Variants in SGK1 observed in about 807,000 individuals in gnomAD.
SGK1 encodes serine/threonine-protein kinase Sgk1.
SGK1 carries 26 observed loss-of-function variants against 64.2 expected under a neutral mutation model. The ratio of observed to expected loss-of-function variants is 0.40; its 90% CI spans 0.30 to 0.56. The LOEUF (loss-of-function observed/expected upper bound fraction) is 0.56, where lower values mean the gene tolerates loss of function less well. Among genes scored for constraint, SGK1 ranks in the 20% least tolerant of loss-of-function variants. The pLI is 0.38. For missense variants in SGK1, 519 were observed against 645.6 expected, an observed-to-expected ratio of 0.80 and a Z score of 2.12; for synonymous variants, 265 against 239.7, an observed-to-expected ratio of 1.11 and a Z score of -0.98.
At chr6:134,229,358 A>G (rs1035289990) in intron 2 of SGK1, among the ~76,000 whole-genome samples, 1 of 152,252 alleles carries the variant, frequency 6.6e-6, no homozygotes, top group Non-Finnish European at 1.5e-5. Flanking sequence ...TTAAGAAATT[A>G]AAAAAGAATA....
At chr6:134,201,051 C>T (rs1438912463) in intron 3 of SGK1, among the ~76,000 whole-genome samples, 1 of 147,146 alleles carries the variant, frequency 6.8e-6, no homozygotes, top group East Asian at 2.0e-4. Flanking sequence ...TGTATTATTT[C>T]TTTTTCTTTT....
intron 3 of SGK1, among the ~76,000 whole-genome samples, chr6:134,191,576 G>T (rs1233026730): frequency 1.3e-5 from 2 of 152,104 alleles, no homozygotes; most frequent in East Asian, 3.8e-4. Context: ...AAGTTCCACA[G>T]TTAAGTCCAC....
At chr6:134,293,311 T>C (rs1777294755) in intron 1 of SGK1, among the ~76,000 whole-genome samples, 1 of 152,240 alleles carries the variant, frequency 6.6e-6, no homozygotes, top group Non-Finnish European at 1.5e-5. Flanking sequence ...TGCTGGTCAA[T>C]GTCCCCAAAT....
At chr6:134,171,584 G>A in intron 11 of SGK1, 53 bp downstream of exon 11, 2 of 1,290,798 alleles carry the variant, frequency 1.5e-6, no homozygotes, top group East Asian at 2.3e-5. Flanking sequence ...GCTGTGTGAA[G>A]GCAATATTGT....
intron 3 of SGK1, among the ~76,000 whole-genome samples, chr6:134,205,355 A>T (rs1301312340): frequency 6.6e-6 from 1 of 152,160 alleles, no homozygotes; most frequent in Non-Finnish European, 1.5e-5. Context: ...TTCAAAAGAT[A>T]TAATAAAACA....
chr6:134,272,228 G>A (rs1310749005), intron 1 of SGK1, among the ~76,000 whole-genome samples: 7 of 140,572 alleles, frequency 5.0e-5, no homozygotes, highest in African/African-American at 7.7e-5. Flanking sequence ...GCAACCTCCC[G>A]TTCCTGGGTT....
At chr6:134,297,233 G>A in intron 1 of SGK1, 4 of 1,073,240 alleles carry the variant, frequency 3.7e-6, no homozygotes, top group African/African-American at 1.6e-5. Context: ...GGCATTTCTA[G>A]CCCTCCAGCA....
chr6:134,185,257 G>A (rs1430962899), intron 3 of SGK1, among the ~76,000 whole-genome samples: 1 of 152,144 alleles, frequency 6.6e-6, no homozygotes, highest in East Asian at 1.9e-4. Context: ...TTTCTGTCTT[G>A]CAGCCATGAA....
At chr6:134,235,146 T>C (rs759841666) in intron 2 of SGK1, among the ~76,000 whole-genome samples, 43 of 152,220 alleles carry the variant, frequency 2.8e-4, no homozygotes, top group Non-Finnish European at 2.6e-4. Flanking sequence ...ATAATGGCTT[T>C]GTTCGACACA....
chr6:134,312,221 G>A (rs1777618913), intron 1 of SGK1, among the ~76,000 whole-genome samples: 1 of 152,196 alleles, frequency 6.6e-6, no homozygotes. Flanking sequence ...GCATAATGAA[G>A]GATTGTGAGA....
chr6:134,174,867 G>T, intron 3 of SGK1: 1 of 1,609,580 alleles, frequency 6.2e-7, no homozygotes, highest in Non-Finnish European at 8.5e-7. Flanking sequence ...CGTATGCTGC[G>T]CCAGGCCGCG....
intron 2 of SGK1, among the ~76,000 whole-genome samples, chr6:134,220,645 G>T (rs184847101): frequency 2.0e-5 from 3 of 152,084 alleles, no homozygotes; most frequent in Admixed American, 2.0e-4. Context: ...TTCAGTTTAG[G>T]GTTAGGGTTA....
At chr6:134,184,931 C>T (rs1295092890) in intron 3 of SGK1, among the ~76,000 whole-genome samples, 1 of 152,200 alleles carries the variant, frequency 6.6e-6, no homozygotes, top group Non-Finnish European at 1.5e-5. Context: ...GTGATCCGCA[C>T]ACCTAAGCCT....
chr6:134,268,095 C>A (rs145363573), intron 1 of SGK1, among the ~76,000 whole-genome samples: 5 of 152,274 alleles, frequency 3.3e-5, no homozygotes, highest in Admixed American at 6.5e-5. Flanking sequence ...AGGCAAGGTG[C>A]CCTTCAAAAC....
At chr6:134,191,291 A>C (rs1404154990) in intron 3 of SGK1, among the ~76,000 whole-genome samples, 2 of 152,166 alleles carry the variant, frequency 1.3e-5, no homozygotes, top group African/African-American at 4.8e-5. Context: ...AAGGGCAAAA[A>C]AATCTTAAGA....
At chr6:134,307,892 A>G (rs945479954) in intron 1 of SGK1, among the ~76,000 whole-genome samples, 4 of 152,168 alleles carry the variant, frequency 2.6e-5, no homozygotes, top group Admixed American at 6.5e-5. Flanking sequence ...CCTTGATTAA[A>G]TTGTTTTTAT....
chr6:134,214,288 C>A (rs1461693461), intron 2 of SGK1, among the ~76,000 whole-genome samples: 1 of 152,092 alleles, frequency 6.6e-6, no homozygotes, highest in Non-Finnish European at 1.5e-5. Flanking sequence ...TCACAACTAA[C>A]AATTTCAACA....
At chr6:134,207,306 G>T in intron 3 of SGK1, 50 bp downstream of exon 3, 1 of 1,145,164 alleles carries the variant, frequency 8.7e-7, no homozygotes, top group Non-Finnish European at 1.3e-6. Context: ...CTTTACTACA[G>T]AATGTATCCT....
intron 1 of SGK1, among the ~76,000 whole-genome samples, chr6:134,316,521 T>C (rs972828394): frequency 6.6e-6 from 1 of 152,036 alleles, no homozygotes; most frequent in Non-Finnish European, 1.5e-5. Flanking sequence ...TACCTCCCGC[T>C]TGTGTATAAA....
Sources: gnomAD v4.1 joint callset for allele counts (sites outside exome capture counted in the v4.1 genomes callset) on GRCh38, gnomAD v4.1.1 for gene constraint, MANE v1.5 for transcripts, NCBI Gene and HGNC (gene_info 2026-07-23, HGNC 2026-07-21) for gene names.